The following SPATA17 variants were observed in gnomAD, a reference collection of about 807,000 sequenced individuals.
SPATA17 encodes spermatogenesis-associated protein 17.
Under a neutral mutation model 62.2 loss-of-function variants are expected in SPATA17, and 53 were observed. The observed-to-expected ratio is 0.85, with a 90% CI of 0.68 to 1.07. The LOEUF (loss-of-function observed/expected upper bound fraction) is 1.07, where lower values mean the gene tolerates loss of function less well. SPATA17 is among the 50% of genes least tolerant of loss of function. The pLI, the probability that SPATA17 is intolerant of heterozygous loss-of-function variation, is 0.00. For missense variants in SPATA17, 466 were observed against 425.5 expected (o/e 1.10, Z -0.84); for synonymous variants, 146 against 146.8 (o/e 0.99, Z 0.04).
chr1:217,844,165 C>G (rs1168185733), intron 9 of SPATA17, among the ~76,000 whole-genome samples: 1 of 152,080 alleles, frequency 6.6e-6, no homozygotes, highest in Non-Finnish European at 1.5e-5. Flanking sequence ...TCAAATCGTA[C>G]ATAGTGATGC....
chr1:217,773,308 A>T (rs17726283), intron 6 of SPATA17, among the ~76,000 whole-genome samples: 4,686 of 152,252 alleles, frequency 0.031, 105 homozygotes, highest in Middle Eastern at 0.058. Flanking sequence ...GGATACATTT[A>T]ATATATAGTC....
chr1:217,658,593 C>T (rs900454117), intron 3 of SPATA17, among the ~76,000 whole-genome samples: 2 of 152,104 alleles, frequency 1.3e-5, no homozygotes, highest in African/African-American at 4.8e-5. Flanking sequence ...CCCGTCTCTA[C>T]TAAGAACACA....
rs537016574 is a variant in SPATA17, at chr1:217,817,463, G to T, written c.1005+15613G>T. Among the ~76,000 whole-genome samples the T allele has an allele frequency of 2.2e-4, 33 of 152,144 alleles. No homozygotes were observed. In the South Asian group the frequency reaches 6.8e-3, roughly 32 times the overall value. ...GTTTGCTTCCCCTTCTGCCATGATT[G>T]TAAGTTTCCTGAGGCCTCCCCAGCC... is the stretch of plus-strand genomic sequence containing the variant. On this transcript the variant is annotated intron_variant, in intron 9 of 10. Transcript: ENST00000366933.
intron 8 of SPATA17, among the ~76,000 whole-genome samples, chr1:217,794,446 C>A (rs563111039): frequency 1.3e-5 from 2 of 152,180 alleles, no homozygotes; most frequent in South Asian, 4.1e-4. Flanking sequence ...ACCTTAAAAT[C>A]ATTGACGGAG....
chr1:217,684,299 C>T (rs920994521), intron 5 of SPATA17, among the ~76,000 whole-genome samples: 3 of 152,006 alleles, frequency 2.0e-5, no homozygotes, highest in African/African-American at 7.3e-5. Flanking sequence ...TATAAATGAC[C>T]ATATGCATAT....
intron 9 of SPATA17, among the ~76,000 whole-genome samples, chr1:217,815,241 A>C (rs535320843): frequency 6.6e-5 from 10 of 152,212 alleles, no homozygotes; most frequent in Non-Finnish European, 1.3e-4. Flanking sequence ...GGAAATATAC[A>C]TTATGCCTTA....
At chr1:217,726,031 G>C (rs1395419867) in intron 5 of SPATA17, among the ~76,000 whole-genome samples, 1 of 152,080 alleles carries the variant, frequency 6.6e-6, no homozygotes, top group African/African-American at 2.4e-5. Context: ...ATACAGGAAA[G>C]TAATATATTT....
At chr1:217,751,999 A>T (rs1046822052) in intron 6 of SPATA17, among the ~76,000 whole-genome samples, 5 of 152,144 alleles carry the variant, frequency 3.3e-5, no homozygotes, top group African/African-American at 4.8e-5. Context: ...ACCTTTAAGG[A>T]TAAAGTTTGC....
chr1:217,671,687 A>G (rs557251652), intron 4 of SPATA17, among the ~76,000 whole-genome samples: 17 of 151,974 alleles, frequency 1.1e-4, no homozygotes, highest in African/African-American at 3.4e-4. Flanking sequence ...ACATTTTGGG[A>G]GAGAAGCATA....
chr1:217,681,024 C>G (rs1052031049), intron 4 of SPATA17, among the ~76,000 whole-genome samples: 1 of 150,330 alleles, frequency 6.7e-6, no homozygotes, highest in Non-Finnish European at 1.5e-5. Context: ...GTCAAGAGAT[C>G]GAGACCATCC....
intron 5 of SPATA17, among the ~76,000 whole-genome samples, chr1:217,704,260 T>C (rs1026373228): frequency 1.4e-5 from 2 of 140,602 alleles, no homozygotes; most frequent in Admixed American, 7.2e-5. Flanking sequence ...TTTTTTTTTT[T>C]TGAGACGGAG....
chr1:217,830,049 A>T (rs72728902), intron 9 of SPATA17, among the ~76,000 whole-genome samples: 4,831 of 152,220 alleles, frequency 0.032, 111 homozygotes, highest in Middle Eastern at 0.065. Flanking sequence ...TATACACAAT[A>T]AAATTTATTC....
At chr1:217,786,750 T>TTTCTTCCTCTTC (rs1673874241) in intron 8 of SPATA17, among the ~76,000 whole-genome samples, 1 of 107,436 alleles carries the variant, frequency 9.3e-6, no homozygotes, top group South Asian at 3.7e-4. Context: ...TGATATTCTC[T>TTTCTTCCTCTTC]TTCTTCTTCT....
chr1:217,784,838 A>G (rs1673819973), intron 8 of SPATA17: 1 of 152,196 alleles, frequency 6.6e-6, no homozygotes, highest in Admixed American at 6.5e-5. Context: ...ACACCACAGC[A>G]TCCTAACCTC....
At chr1:217,835,588 T>C (rs1421517837) in intron 9 of SPATA17, among the ~76,000 whole-genome samples, 4 of 152,122 alleles carry the variant, frequency 2.6e-5, no homozygotes, top group Admixed American at 2.0e-4. Flanking sequence ...TGAATAACAA[T>C]AAAATTTTCT....
intron 6 of SPATA17, among the ~76,000 whole-genome samples, chr1:217,773,849 G>A (rs1482206788): frequency 1.3e-5 from 2 of 151,854 alleles, no homozygotes; most frequent in East Asian, 2.0e-4. Flanking sequence ...GTTGCCCTTA[G>A]TTTACGTAAT....
intron 3 of SPATA17, among the ~76,000 whole-genome samples, chr1:217,657,519 G>T (rs1670470510): frequency 6.6e-6 from 1 of 152,124 alleles, no homozygotes; most frequent in African/African-American, 2.4e-5. Flanking sequence ...ATGAGTTGAG[G>T]ATACTGTTTG....
At chr1:217,862,168 C>A (rs780239258) in intron 9 of SPATA17, among the ~76,000 whole-genome samples, 2 of 151,992 alleles carry the variant, frequency 1.3e-5, no homozygotes, top group Non-Finnish European at 2.9e-5. Context: ...TTGTTTACAG[C>A]ATTCATTGTT....
chr1:217,870,117 C>T lies in SPATA17; in HGVS notation c.*3098C>T, dbSNP rs1676101733. On this transcript the variant is annotated 3_prime_UTR_variant, in exon 11 of 11. Coordinates refer to ENST00000366933, the MANE Select transcript of SPATA17 (RefSeq NM_138796.4). ...TGGCCATCTTCATTGGATTGTGAAG[C>T]CATTTCCTCCCACATGTTCGTAAAA... The T allele has an allele frequency of 6.6e-6, 1 of 152,086 alleles. No homozygotes were observed. The highest frequency in any genetic ancestry group is 2.4e-5 in the African/African-American group (1 of 41,412). The allele number at this position is 152,086 out of a possible 1,614,324, so 9.4% of individuals were successfully genotyped here. A position where few individuals can be genotyped will look rare whatever the true frequency, so the allele number is the denominator to read the frequency against.
Sources: allele counts gnomAD v4.1 joint callset (sites outside exome capture counted in the v4.1 genomes callset), GRCh38; gene constraint gnomAD v4.1.1; transcripts MANE v1.5; gene names NCBI Gene and HGNC (gene_info 2026-07-23, HGNC 2026-07-21).